Variants in BARX2 observed in about 807,000 individuals in gnomAD.
BARX2 encodes the protein BARX homeobox 2, also known as homeobox protein BarH-like 2.
A neutral mutation model predicts 25.5 loss-of-function variants in BARX2; 11 were observed. That is an observed-to-expected ratio of 0.43 (90% confidence interval 0.27 to 0.71). The LOEUF (loss-of-function observed/expected upper bound fraction) is 0.71. BARX2 is among the 30% of genes least tolerant of loss of function. The pLI, the probability that BARX2 is intolerant of heterozygous loss-of-function variation, is 0.19. For synonymous variants in BARX2, 137 were observed against 149.5 expected (o/e 0.92, Z 0.61); for missense variants, 360 against 359.9 (o/e 1.00, Z 0.00).
chr11:129,427,256 A>G (rs1862074288), intron 1 of BARX2, among the ~76,000 whole-genome samples: 1 of 152,170 alleles, frequency 6.6e-6, no homozygotes, highest in South Asian at 2.1e-4. Context: ...GGACATTGAA[A>G]TCAAGAAAGA....
At chr11:129,437,136 C>A in intron 2 of BARX2, 85 bp downstream of exon 2, 1 of 1,363,682 alleles carries the variant, frequency 7.3e-7, no homozygotes, top group Non-Finnish European at 9.8e-7. Context: ...GGAGCCACAG[C>A]ACTGGTACAG....
Position 129,451,206 on chromosome 11 carries a change from C to T in BARX2, c.644C>T (p.Ser215Leu). The change falls in exon 4 of 4, where the codon TCA (serine) becomes TTA (leucine). Residue 215 changes from serine (S) to leucine (L), a missense_variant. Ser to Leu is a moderately radical substitution (Grantham distance 145, BLOSUM62 -2). Coordinates refer to ENST00000281437, the MANE Select transcript of BARX2 (RefSeq NM_003658.5). ...GRPKKNSIPTSEEIEAEEKMN... is the reference protein window; with the variant it reads ...GRPKKNSIPTLEEIEAEEKMN... Reference sequence around the variant, plus strand: ...CCCAAGAAGAACTCCATCCCCACATCAGAAGAGATTGAAGCTGAAGAGAAG... The same window carrying T: ...CCCAAGAAGAACTCCATCCCCACATTAGAAGAGATTGAAGCTGAAGAGAAG... 1 of 1,614,144 alleles carries T rather than the reference C, an allele frequency of 6.2e-7. No individual in the cohort carries two copies. Among genetic ancestry groups the T allele is most frequent in the South Asian group, 1.1e-5 (1 of 91,078 alleles).
At chr11:129,430,974 G>C (rs1686780258) in intron 1 of BARX2, among the ~76,000 whole-genome samples, 1 of 152,124 alleles carries the variant, frequency 6.6e-6, no homozygotes, top group African/African-American at 2.4e-5. Flanking sequence ...CAATTCTCAT[G>C]CCACAGCCTC....
intron 1 of BARX2, among the ~76,000 whole-genome samples, chr11:129,394,699 G>A (rs1861699795): frequency 6.6e-6 from 1 of 152,072 alleles, no homozygotes; most frequent in Non-Finnish European, 1.5e-5. Context: ...AGAATGTGAA[G>A]TACTTCTCTA....
Position 129,376,731 on chromosome 11 carries a change from C to A in BARX2, c.187+509C>A, listed in dbSNP as rs1002721807. 8.5e-5 allele frequency among the ~76,000 whole-genome samples: 13 copies of A among 152,200 alleles called. No individual in the cohort carries two copies. The highest frequency in any genetic ancestry group is 3.1e-4 in the African/African-American group (13 of 41,430). ...GAGCTTTGCTTACAATGATCGCCCT[C>A]TGAGAAAGTAGTTCTGAAGTACATT... On this transcript the variant is annotated intron_variant, in intron 1 of 3. Transcript: ENST00000281437. The surrounding 1 kb of genome is among the most constrained non-coding windows in gnomAD (Gnocchi z 4.2).
intron 1 of BARX2, among the ~76,000 whole-genome samples, chr11:129,412,709 C>T (rs1264548292): frequency 1.3e-5 from 2 of 152,198 alleles, no homozygotes; most frequent in Non-Finnish European, 2.9e-5. Flanking sequence ...CAATGGAAAA[C>T]ACGTGGCACA....
At chr11:129,399,018 A>G (rs780145804) in intron 1 of BARX2, among the ~76,000 whole-genome samples, 9 of 152,192 alleles carry the variant, frequency 5.9e-5, no homozygotes, top group Non-Finnish European at 1.2e-4. Context: ...TTGCAGTTCA[A>G]CGTAGGGATA....
upstream of BARX2, among the ~76,000 whole-genome samples, chr11:129,375,545 G>T (rs936829661): frequency 4.9e-4 from 74 of 152,052 alleles, no homozygotes; most frequent in African/African-American, 1.7e-3. The surrounding 1 kb of genome is among the most constrained non-coding windows in gnomAD (Gnocchi z 4.0). Flanking sequence ...CGCGCTCCCC[G>T]CACCGCGCGC....
chr11:129,390,009 C>T lies in BARX2; in HGVS notation c.187+13787C>T, dbSNP rs1019390475. ...GGAGGAACTGCCTGAGGAAGAGTTC[C>T]ATGTGGATTTTTTTGGGATTGTGTT... is the stretch of plus-strand genomic sequence containing the variant. On this transcript the variant is annotated intron_variant, in intron 1 of 3. Coordinates refer to ENST00000281437, the MANE Select transcript of BARX2 (RefSeq NM_003658.5). The surrounding 1 kb of genome is among the most constrained non-coding windows in gnomAD (Gnocchi z 4.3). Among the ~76,000 whole-genome samples the T allele has an allele frequency of 6.6e-6, 1 of 152,162 alleles. No individual in the cohort carries two copies. The highest frequency in any genetic ancestry group is 1.5e-5 in the Non-Finnish European group (1 of 68,024).
chr11:129,451,508 G>A lies in BARX2; in HGVS notation c.*106G>A, dbSNP rs1452277603. 1.9e-5 allele frequency: 25 copies of A among 1,303,078 alleles called. No homozygotes were observed. Among genetic ancestry groups the A allele is most frequent in the Middle Eastern group, 2.0e-4 (1 of 4,990 alleles). 80.7% of individuals were successfully genotyped at this position (1,303,078 alleles called of 1,614,324 possible). On this transcript the variant is annotated 3_prime_UTR_variant, in exon 4 of 4. Coordinates refer to ENST00000281437, the MANE Select transcript of BARX2 (RefSeq NM_003658.5). ...TCCAGCAGCCCAGTAAACTGCGGGC[G>A]AAGAGATCTACCCGTCTCCCTCCCT...
chr11:129,433,570 G>T (rs1862152706), intron 1 of BARX2, among the ~76,000 whole-genome samples: 1 of 152,150 alleles, frequency 6.6e-6, no homozygotes, highest in Non-Finnish European at 1.5e-5. Context: ...TTCTGCCCTT[G>T]CCTACTCTGC....
At chr11:129,423,390 C>T (rs142792441) in intron 1 of BARX2, among the ~76,000 whole-genome samples, 1,608 of 152,302 alleles carry the variant, frequency 0.011, 73 homozygotes, top group Admixed American at 0.077. Flanking sequence ...GCTGGGATTA[C>T]GGGCTTGAGC....
At chr11:129,415,919 G>T (rs941698492) in intron 1 of BARX2, among the ~76,000 whole-genome samples, 26 of 152,180 alleles carry the variant, frequency 1.7e-4, no homozygotes, top group African/African-American at 5.8e-4. Flanking sequence ...TTTTCCTGAG[G>T]CTTCCGATTG....
intron 1 of BARX2, among the ~76,000 whole-genome samples, chr11:129,403,500 G>A (rs1021215878): frequency 3.3e-5 from 5 of 152,100 alleles, no homozygotes; most frequent in Non-Finnish European, 7.4e-5. Flanking sequence ...GGCACTCTGG[G>A]AGTGTTTCCC....
chr11:129,404,813 C>CT (rs1448436266), intron 1 of BARX2, among the ~76,000 whole-genome samples: 6 of 152,160 alleles, frequency 3.9e-5, no homozygotes, highest in Non-Finnish European at 7.4e-5. Flanking sequence ...TTGTTTTGAT[C>CT]TTTTCTCAGA....
intron 3 of BARX2, among the ~76,000 whole-genome samples, chr11:129,449,173 T>C (rs1375813752): frequency 6.6e-6 from 1 of 152,186 alleles, no homozygotes; most frequent in Non-Finnish European, 1.5e-5. Flanking sequence ...CACTGAATAG[T>C]GCACTTTAAA....
intron 1 of BARX2, among the ~76,000 whole-genome samples, chr11:129,406,283 T>C (rs574594387): frequency 2.0e-5 from 3 of 152,376 alleles, no homozygotes; most frequent in African/African-American, 7.2e-5. Context: ...TTCTTTTGTC[T>C]TTATTACTTT....
At position 129,451,460 on chromosome 11, in the gene BARX2, G is replaced by A; in HGVS notation, c.*58G>A. 1.9e-6 allele frequency: 3 copies of A among 1,553,116 alleles called. No individual in the cohort carries two copies. The highest frequency in any genetic ancestry group is 2.6e-6 in the Non-Finnish European group (3 of 1,145,692). On this transcript the variant is annotated 3_prime_UTR_variant, in exon 4 of 4. Coordinates refer to ENST00000281437, the MANE Select transcript of BARX2 (RefSeq NM_003658.5). ...GGGAGAAGGGAAAAGAGAGAAGGCA[G>A]GGAGAGTAGGGAGAGAAAACCTTCC... is the stretch of plus-strand genomic sequence containing the variant.
intron 1 of BARX2, among the ~76,000 whole-genome samples, chr11:129,418,456 A>C (rs1313850695): frequency 6.6e-6 from 1 of 152,182 alleles, no homozygotes; most frequent in Admixed American, 6.5e-5. Context: ...TCTTCCCAGC[A>C]CTGAAACTAG....
Sources: gnomAD v4.1 joint callset for allele counts (sites outside exome capture counted in the v4.1 genomes callset) on GRCh38, gnomAD v4.1.1 for gene constraint, Gnocchi (gnomAD v3.1) non-coding constraint, MANE v1.5 for transcripts, NCBI Gene and HGNC (gene_info 2026-07-23, HGNC 2026-07-21) for gene names.